The following MARF1 variants were observed in gnomAD, a reference collection of about 807,000 sequenced individuals.
MARF1 encodes the protein limkain-b1.
MARF1 carries 24 observed loss-of-function variants against 168.2 expected under a neutral mutation model. That is an observed-to-expected ratio of 0.14 (90% CI 0.10 to 0.20). MARF1 has a LOEUF of 0.20. MARF1 is among the 10% of genes least tolerant of loss of function. The probability of loss-of-function intolerance (pLI) is 1.00; values close to 1 mark genes in which losing one functional copy is unlikely to be tolerated. For synonymous variants in MARF1, 868 were observed against 822.4 expected, an observed-to-expected ratio of 1.06 and a Z score of -0.95; for missense variants, 1,744 against 2,143.6, an observed-to-expected ratio of 0.81 and a Z score of 3.68.
chr16:15,637,328 T>C (rs919617303), intron 2 of MARF1, among the ~76,000 whole-genome samples: 1 of 152,248 alleles, frequency 6.6e-6, no homozygotes, highest in Non-Finnish European at 1.5e-5. Context: ...CTACAGTGAC[T>C]GAGACGTGCT....
rs776014412 is a variant in MARF1 at position 15,608,278 on chromosome 16, A to C, written c.4182+13T>G. ...CATGAGGGAAAAAAAAAAAAAAAAA[A>C]AAAAACATTTACCTTCACGACATGG... is the stretch of plus-strand genomic sequence containing the variant. On this transcript the variant is annotated intron_variant, in intron 21 of 26. Coordinates refer to ENST00000396368, the MANE Select transcript of MARF1 (RefSeq NM_014647.4). 52 of 1,495,372 alleles carry C rather than the reference A, an allele frequency of 3.5e-5. No homozygotes were observed. Among genetic ancestry groups the C allele is most frequent in the South Asian group, 2.6e-4 (21 of 79,774 alleles). The allele number at this position is 1,495,372 out of a possible 1,614,324, so 92.6% of individuals were successfully genotyped here.
intron 16 of MARF1, among the ~76,000 whole-genome samples, chr16:15,614,358 C>T (rs1202520377): frequency 1.3e-5 from 2 of 149,266 alleles, no homozygotes; most frequent in Non-Finnish European, 3.0e-5. Flanking sequence ...TGGCAGGCGT[C>T]TGTAGTCCCA....
chr16:15,614,375 C>T (rs1361324491), intron 16 of MARF1, among the ~76,000 whole-genome samples: 19 of 139,362 alleles, frequency 1.4e-4, no homozygotes, highest in Non-Finnish European at 2.8e-4. Flanking sequence ...CCCAGCTACT[C>T]GGGAGGCTGA....
intron 26 of MARF1, among the ~76,000 whole-genome samples, chr16:15,597,807 G>A (rs906993490): frequency 2.6e-5 from 4 of 152,188 alleles, no homozygotes; most frequent in Non-Finnish European, 4.4e-5. Flanking sequence ...CCCCACAAAC[G>A]AGCTAACATC....
intron 10 of MARF1, 125 bp from the exon 11 acceptor site, chr16:15,623,248 A>G: frequency 2.1e-6 from 1 of 471,124 alleles, no homozygotes; most frequent in Non-Finnish European, 3.4e-6. Flanking sequence ...CAAACCAAAC[A>G]TTTGGTTTTC....
chr16:15,641,723 A>C (rs2035978477), intron 1 of MARF1, among the ~76,000 whole-genome samples: 1 of 152,220 alleles, frequency 6.6e-6, no homozygotes, highest in South Asian at 2.1e-4. Context: ...AAAGAAACTT[A>C]ATGAAGTTTT....
At chr16:15,604,775 G>A (rs78543149) in intron 21 of MARF1, among the ~76,000 whole-genome samples, 11 of 152,168 alleles carry the variant, frequency 7.2e-5, no homozygotes, top group African/African-American at 2.2e-4. Context: ...GTGCTCGAAG[G>A]GGGGTAGGGA....
chr16:15,628,018 CT>C (rs1453223891), intron 7 of MARF1, among the ~76,000 whole-genome samples: 1 of 152,126 alleles, frequency 6.6e-6, no homozygotes, highest in Non-Finnish European at 1.5e-5. Context: ...TATAAATTAC[CT>C]TGCTGGAAAT....
intron 26 of MARF1, among the ~76,000 whole-genome samples, chr16:15,597,179 G>C (rs950048391): frequency 6.6e-6 from 1 of 152,136 alleles, no homozygotes; most frequent in African/African-American, 2.4e-5. Flanking sequence ...TCTCTATTTT[G>C]AGCTATAAAT....
chr16:15,612,126 G>A (rs1336842372), intron 17 of MARF1, among the ~76,000 whole-genome samples: 1 of 152,196 alleles, frequency 6.6e-6, no homozygotes, highest in African/African-American at 2.4e-5. Context: ...ACTGGTAAAA[G>A]TCTTCATAGG....
In MARF1 at chr16:15,635,610, C is replaced by T. The variant is rs764564659; in HGVS notation, c.831+46G>A. 3 of 1,535,288 alleles carry T rather than the reference C, an allele frequency of 2.0e-6. No homozygotes were observed. The South Asian group carries it at 3.4e-5, about 17-fold the overall frequency. On this transcript the variant is annotated intron_variant, in intron 3 of 26. Coordinates refer to ENST00000396368, the MANE Select transcript of MARF1 (RefSeq NM_014647.4). Reference sequence around the variant, plus strand: ...GATAAATCCACTTCAAAAGTCATTCCTCAATCCTCAGCTGCACCCAACTTA... The same window carrying T: ...GATAAATCCACTTCAAAAGTCATTCTTCAATCCTCAGCTGCACCCAACTTA...
chr16:15,600,457 G>A lies in MARF1; in HGVS notation c.4784C>T (p.Ser1595Leu), dbSNP rs755735610. Reference sequence around the variant, plus strand: ...GCCGTCAGCTCCAAGCTTGAGTTCCGAGGCTGTGTGCGATTCGGGCACCTC... The same window carrying A: ...GCCGTCAGCTCCAAGCTTGAGTTCCAAGGCTGTGTGCGATTCGGGCACCTC... ...ILEVPESHTA[S>L]ELKLGADGSG... The change falls in exon 25 of 27, where the codon TCG becomes TTG. Residue 1595 changes from serine (S) to leucine (L), a missense_variant. Physicochemically the swap from Ser to Leu is moderately radical, Grantham distance 145. Transcript: ENST00000396368. 23 of 1,613,942 alleles carry A rather than the reference G, an allele frequency of 1.4e-5. No individual in the cohort carries two copies. The highest frequency in any genetic ancestry group is 5.0e-5 in the Admixed American group (3 of 59,982).
chr16:15,596,487 AAG>A lies in MARF1; in HGVS notation c.*204_*205del, dbSNP rs2031696054. On this transcript the variant is annotated 3_prime_UTR_variant, in exon 27 of 27. Transcript: ENST00000396368. ...CACAAGTTCTTCAAATAATTGAAAAAAGAAAGAAAAAGGAAGAAGAAAAGAAA... is the reference window on the plus strand; with the variant it reads ...CACAAGTTCTTCAAATAATTGAAAAAAAAGAAAAAGGAAGAAGAAAAGAAA... 4.7e-6 allele frequency: 2 copies of A among 422,560 alleles called. No individual in the cohort carries two copies. Among genetic ancestry groups the A allele is most frequent in the Non-Finnish European group, 4.1e-6 (1 of 246,134 alleles). The allele number at this position is 422,560 out of a possible 1,614,324, so 26.2% of individuals were successfully genotyped here.
intron 19 of MARF1, among the ~76,000 whole-genome samples, 158 bp from the exon 20 acceptor site, chr16:15,609,883 T>C (rs1212471054): frequency 6.6e-6 from 1 of 152,174 alleles, no homozygotes; most frequent in Non-Finnish European, 1.5e-5. Flanking sequence ...CTCTTCCCTC[T>C]TTGCAAGTGG....
At position 15,594,388 on chromosome 16, in the gene MARF1, A is replaced by C. The variant is rs2031488602; in HGVS notation, c.*2305T>G. 1 of 152,632 alleles carries C rather than the reference A, an allele frequency of 6.6e-6. No individual in the cohort carries two copies. The highest frequency in any genetic ancestry group is 2.4e-5 in the African/African-American group (1 of 41,450). The allele number at this position is 152,632 out of a possible 1,614,324, so 9.5% of individuals were successfully genotyped here. The stretch of plus-strand genomic sequence containing the variant: ...ACCACTCACTTGGGAAACTCAAAAT[A>C]GATGCTCGCTTGTAAAGTTTATTGA... On this transcript the variant is annotated 3_prime_UTR_variant, in exon 27 of 27. Transcript: ENST00000396368.
chr16:15,638,308 G>A (rs1197967836), intron 2 of MARF1, among the ~76,000 whole-genome samples: 1 of 151,226 alleles, frequency 6.6e-6, no homozygotes, highest in Non-Finnish European at 1.5e-5. Context: ...AAAATTGGCT[G>A]GACGCGGTGG....
intron 16 of MARF1, among the ~76,000 whole-genome samples, chr16:15,614,808 G>C (rs1196181054): frequency 6.6e-6 from 1 of 151,864 alleles, no homozygotes; most frequent in Non-Finnish European, 1.5e-5. Flanking sequence ...AAAAAAGACA[G>C]AGCTTCACTC....
chr16:15,609,758 G>T (rs1236414265), intron 19 of MARF1, 33 bp from the exon 20 acceptor site: 2 of 1,580,022 alleles, frequency 1.3e-6, no homozygotes, highest in South Asian at 2.2e-5. Flanking sequence ...TAAAATCACA[G>T]TTTTTTTCTA....
chr16:15,604,729 T>G (rs1269491988), intron 21 of MARF1, among the ~76,000 whole-genome samples: 1 of 152,112 alleles, frequency 6.6e-6, no homozygotes. Context: ...GGCCAGCTGA[T>G]GGCCAGTGGT....
Sources: gnomAD v4.1 joint callset for allele counts (sites outside exome capture counted in the v4.1 genomes callset) on GRCh38, gnomAD v4.1.1 for gene constraint, MANE v1.5 for transcripts, NCBI Gene and HGNC (gene_info 2026-07-23, HGNC 2026-07-21) for gene names.